The following SLC18A2 variants were observed in gnomAD, a reference collection of about 807,000 sequenced individuals.
SLC18A2 encodes solute carrier family 18 member A2.
SLC18A2 carries 33 observed loss-of-function variants against 59.2 expected under a neutral mutation model. That is an observed-to-expected ratio of 0.56 (90% confidence interval 0.42 to 0.75). SLC18A2 has a LOEUF of 0.75. Ranked by LOEUF, SLC18A2 falls within the 30% of genes least tolerant of loss-of-function variation. The probability of loss-of-function intolerance (pLI) is 0.00; values close to 1 mark genes in which losing one functional copy is unlikely to be tolerated. For synonymous variants in SLC18A2, 228 were observed against 253.5 expected, an observed-to-expected ratio of 0.90 and a Z score of 0.95; for missense variants, 569 against 668.6, an observed-to-expected ratio of 0.85 and a Z score of 1.64.
chr10:117,255,694 GA>G lies in SLC18A2; in HGVS notation c.895+38del, dbSNP rs767423690. On this transcript the variant is annotated intron_variant, in intron 9 of 15. Transcript: ENST00000644641. ...TGGGTCTTCTGAGTCAGGGGAATGC[GA>G]GGTGATGGCCGCGTGCTGGAGGCAG... 2.3e-5 allele frequency: 37 copies of G among 1,598,536 alleles called. 1 individual carries two copies. The Admixed American group carries it at 5.0e-4, about 22-fold the overall frequency.
intron 10 of SLC18A2, among the ~76,000 whole-genome samples, chr10:117,266,411 T>C (rs1048109850): frequency 2.0e-5 from 3 of 152,216 alleles, no homozygotes; most frequent in African/African-American, 4.8e-5. Context: ...ACACATAAGA[T>C]TGCAGGTGCT....
chr10:117,241,532 A>T, intron 1 of SLC18A2, 147 bp from the exon 2 acceptor site: 5 of 840,146 alleles, frequency 6.0e-6, no homozygotes, highest in Non-Finnish European at 6.8e-6. Flanking sequence ...GACGCGCTCG[A>T]GGCAGGTGAG....
chr10:117,246,014 A>G (rs1017785537), intron 3 of SLC18A2, among the ~76,000 whole-genome samples: 23 of 152,252 alleles, frequency 1.5e-4, no homozygotes, highest in African/African-American at 5.5e-4. Context: ...TAAGAAGGTG[A>G]CATTCAGTGA....
At chr10:117,263,435 A>G (rs1046058488) in intron 10 of SLC18A2, among the ~76,000 whole-genome samples, 2 of 152,212 alleles carry the variant, frequency 1.3e-5, no homozygotes, top group Non-Finnish European at 2.9e-5. Context: ...AAGTCAGGGC[A>G]AACAATCTTA....
chr10:117,260,474 G>A (rs1844283147), intron 10 of SLC18A2, among the ~76,000 whole-genome samples: 1 of 115,026 alleles, frequency 8.7e-6, no homozygotes, highest in East Asian at 6.5e-4. Context: ...CTCCCACTCT[G>A]TTTGTCCTCA....
intron 3 of SLC18A2, among the ~76,000 whole-genome samples, chr10:117,247,608 G>A (rs937566505): frequency 1.3e-4 from 20 of 152,224 alleles, no homozygotes; most frequent in Admixed American, 9.8e-4. Context: ...AACTGCTGGA[G>A]ACCCAGTGAG....
chr10:117,275,321 G>T (rs1332947872), intron 15 of SLC18A2, among the ~76,000 whole-genome samples: 1 of 152,158 alleles, frequency 6.6e-6, no homozygotes, highest in Non-Finnish European at 1.5e-5. Context: ...TAATGTCTTG[G>T]GAAATGATAA....
Position 117,244,053 on chromosome 10 carries a change from T to G in SLC18A2, c.204T>G (p.Thr68=), listed in dbSNP as rs363387. Residue 68 remains threonine (T), a synonymous_variant, in exon 3 of 16, where the codon ACT becomes ACG. Transcript: ENST00000644641. The stretch of plus-strand genomic sequence containing the variant: ...TCCAGACGGCCAGGCCAGTGCACAC[T>G]GCCTCCATCTCAGACAGCTTCCAGA... ...TEIQTARPVH[T]ASISDSFQSI... 0.052 allele frequency: 83,245 copies of G among 1,614,058 alleles called. 3,444 individuals are homozygous for G. Among genetic ancestry groups the G allele is most frequent in the Admixed American group, 0.21 (12,857 of 59,994 alleles).
intron 3 of SLC18A2, 44 bp downstream of exon 3, chr10:117,244,357 G>T: frequency 6.7e-7 from 1 of 1,501,498 alleles, no homozygotes; most frequent in Non-Finnish European, 9.1e-7. Context: ...ATTTGTATCA[G>T]TCCTAGCTTA....
intron 15 of SLC18A2, 132 bp from the exon 16 acceptor site, chr10:117,277,030 C>A: frequency 1.8e-6 from 1 of 543,212 alleles, no homozygotes; most frequent in Non-Finnish European, 3.2e-6. Flanking sequence ...CTGGCGATTG[C>A]TCCAAATGAC....
At position 117,277,434 on chromosome 10, in the gene SLC18A2, T is replaced by C; in HGVS notation, c.*168T>C. On this transcript the variant is annotated 3_prime_UTR_variant, in exon 16 of 16. Transcript: ENST00000644641. Reference sequence around the variant, plus strand: ...TTATGGTCGATTGCCAACAGCCTTATAAAGAAAAAGAAGCTTTTCTAGGGG... The same window carrying C: ...TTATGGTCGATTGCCAACAGCCTTACAAAGAAAAAGAAGCTTTTCTAGGGG... 2.4e-6 allele frequency: 1 copy of C among 424,748 alleles called. No homozygotes were observed. The highest frequency in any genetic ancestry group is 3.6e-5 in the East Asian group (1 of 27,604). 26.3% of individuals were successfully genotyped at this position (424,748 alleles called of 1,614,324 possible).
In SLC18A2 at chr10:117,254,136, G is replaced by C. The variant is rs758247776; in HGVS notation, c.607+5G>C. 2 of 1,613,238 alleles carry C rather than the reference G, an allele frequency of 1.2e-6. No individual in the cohort carries two copies. Among genetic ancestry groups the C allele is most frequent in the Admixed American group, 3.3e-5 (2 of 60,018 alleles). ...CGTCCTGCTCCTCTGTGGCTGGTAG[G>C]TGTGGAATGCCTGAGTGAGTTCGTG... On this transcript the variant is annotated splice_donor_5th_base_variant and intron_variant, in intron 5 of 15. Coordinates refer to ENST00000644641, the MANE Select transcript of SLC18A2 (RefSeq NM_003054.6).
rs370423093 is a variant in SLC18A2 at position 117,243,951 on chromosome 10, C to T, written c.122-20C>T. On this transcript the variant is annotated intron_variant, in intron 2 of 15. Coordinates refer to ENST00000644641, the MANE Select transcript of SLC18A2 (RefSeq NM_003054.6). ...GGTTTCAGTGTGATCACCACCTTGC[C>T]ATTCTGCTCTTATCCCCAGTCCCCA... 37 of 1,591,486 alleles carry T rather than the reference C, an allele frequency of 2.3e-5. No homozygotes were observed. Among genetic ancestry groups the T allele is most frequent in the Non-Finnish European group, 3.1e-5 (36 of 1,164,392 alleles).
At chr10:117,266,221 G>T (rs182529477) in intron 10 of SLC18A2, among the ~76,000 whole-genome samples, 39 of 149,288 alleles carry the variant, frequency 2.6e-4, no homozygotes, top group Middle Eastern at 3.4e-3. Flanking sequence ...CCTTTTTTTT[G>T]TAAATCAAAA....
chr10:117,241,518 TG>T, intron 1 of SLC18A2, 160 bp from the exon 2 acceptor site: 2 of 732,312 alleles, frequency 2.7e-6, no homozygotes, highest in Non-Finnish European at 4.0e-6. Context: ...CGGGCTCTCG[TG>T]GGGACGCGCT....
At chr10:117,254,629 C>G in intron 6 of SLC18A2, 132 bp downstream of exon 6, 4 of 506,284 alleles carry the variant, frequency 7.9e-6, no homozygotes, top group Non-Finnish European at 1.3e-5. Context: ...TTTTCCTTTC[C>G]TGCTTTCATG....
intron 2 of SLC18A2, 87 bp from the exon 3 acceptor site, chr10:117,243,884 C>T (rs979598887): frequency 1.8e-6 from 2 of 1,094,790 alleles, no homozygotes; most frequent in South Asian, 1.6e-5. Context: ...CTGCTCCCTG[C>T]CGACACAACC....
chr10:117,257,061 C>T (rs1016427193), intron 9 of SLC18A2, among the ~76,000 whole-genome samples: 1 of 152,150 alleles, frequency 6.6e-6, no homozygotes, highest in African/African-American at 2.4e-5. Context: ...AGTGTCATGT[C>T]GAATGAACAG....
Position 117,254,464 on chromosome 10 carries a change from A to G in SLC18A2, c.667A>G (p.Ile223Val). 6.2e-7 allele frequency: 1 copy of G among 1,609,888 alleles called. No individual in the cohort carries two copies. The highest frequency in any genetic ancestry group is 1.1e-5 in the South Asian group (1 of 90,468). Reference protein sequence around the residue: ...DDEERGNVMGIALGGLAMGVL... With the variant: ...DDEERGNVMGVALGGLAMGVL... Reference sequence around the variant, plus strand: ...TGAAGAGAGAGGCAACGTCATGGGAATCGCCTTGGGAGGCCTGGCCATGGG... The same window carrying G: ...TGAAGAGAGAGGCAACGTCATGGGAGTCGCCTTGGGAGGCCTGGCCATGGG... The change falls in exon 6 of 16, where the codon ATC (isoleucine) becomes GTC (valine). Residue 223 changes from isoleucine (I) to valine (V), a missense_variant. By Grantham distance (29) the Ile-to-Val change is conservative. Coordinates refer to ENST00000644641, the MANE Select transcript of SLC18A2 (RefSeq NM_003054.6).
Sources: gnomAD v4.1 joint callset for allele counts (sites outside exome capture counted in the v4.1 genomes callset) on GRCh38, gnomAD v4.1.1 for gene constraint, MANE v1.5 for transcripts, NCBI Gene and HGNC (gene_info 2026-07-23, HGNC 2026-07-21) for gene names.